Variants in ALK observed in about 807,000 individuals in gnomAD.
ALK encodes the protein ALK tyrosine kinase receptor.
In ALK, 74 loss-of-function variants were observed where a neutral mutation model predicts 163.1. The ratio of observed to expected loss-of-function variants is 0.45; its 90% CI spans 0.38 to 0.55. ALK has a LOEUF of 0.55. Ranked by LOEUF, ALK falls within the 20% of genes least tolerant of loss-of-function variation. The pLI, the probability that ALK is intolerant of heterozygous loss-of-function variation, is 0.00. For missense variants in ALK, 2,063 were observed against 2,105.3 expected (o/e 0.98, Z 0.39); for synonymous variants, 960 against 843.2 (o/e 1.14, Z -2.40).
intron 4 of ALK, among the ~76,000 whole-genome samples, chr2:29,515,593 A>G (rs1255746286): frequency 6.6e-6 from 1 of 152,222 alleles, no homozygotes. Flanking sequence ...GCATAATGGG[A>G]TCATGTGGTT....
At chr2:29,412,564 G>A (rs1280381884) in intron 4 of ALK, among the ~76,000 whole-genome samples, 1 of 152,066 alleles carries the variant, frequency 6.6e-6, no homozygotes, top group Non-Finnish European at 1.5e-5. Context: ...CAACCATATT[G>A]AAGATTTTCT....
chr2:29,866,250 C>G (rs1170812676), intron 1 of ALK, among the ~76,000 whole-genome samples: 1 of 152,190 alleles, frequency 6.6e-6, no homozygotes, highest in African/African-American at 2.4e-5. Context: ...GGTACTTCTT[C>G]TGCCACATCC....
At chr2:29,198,245 C>T (rs1470973217) in intron 26 of ALK, among the ~76,000 whole-genome samples, 1 of 152,198 alleles carries the variant, frequency 6.6e-6, no homozygotes, top group African/African-American at 2.4e-5. Flanking sequence ...TCAGTTTCAT[C>T]TATCAGATGC....
Position 29,544,175 on chromosome 2 carries a change from G to A in ALK, c.953-12059C>T, listed in dbSNP as rs549005138. 2.0e-4 allele frequency among the ~76,000 whole-genome samples: 30 copies of A among 152,298 alleles called. No individual in the cohort carries two copies. The South Asian group carries it at 5.2e-3, about 26-fold the overall frequency. Reference sequence around the variant, plus strand: ...GGAATCTGGACAGAAGGAGTGCAGTGTAATGCATGCAGGCCTCACCCAGAT... The same window carrying A: ...GGAATCTGGACAGAAGGAGTGCAGTATAATGCATGCAGGCCTCACCCAGAT... On this transcript the variant is annotated intron_variant, in intron 3 of 28. Coordinates refer to ENST00000389048, the MANE Select transcript of ALK (RefSeq NM_004304.5).
At chr2:29,667,269 T>C (rs1042786606) in intron 3 of ALK, among the ~76,000 whole-genome samples, 10 of 152,114 alleles carry the variant, frequency 6.6e-5, no homozygotes, top group African/African-American at 2.2e-4. Context: ...CTGTTCTCCA[T>C]AGTGGCTATA....
intron 4 of ALK, among the ~76,000 whole-genome samples, chr2:29,524,124 T>C (rs1316970839): frequency 6.6e-6 from 1 of 152,312 alleles, no homozygotes; most frequent in South Asian, 2.1e-4. Context: ...GCTTTAATTT[T>C]TAGACCCAGA....
chr2:29,356,218 A>T (rs1363917920), intron 5 of ALK, among the ~76,000 whole-genome samples: 1 of 152,218 alleles, frequency 6.6e-6, no homozygotes, highest in East Asian at 1.9e-4. Flanking sequence ...TATATGTGCC[A>T]GGTTGTATGC....
chr2:29,494,241 T>C (rs749517178), intron 4 of ALK, among the ~76,000 whole-genome samples: 1 of 152,166 alleles, frequency 6.6e-6, no homozygotes, highest in Non-Finnish European at 1.5e-5. Context: ...TTTGTGATAA[T>C]AATAGTATCA....
At chr2:29,667,395 T>C (rs983918560) in intron 3 of ALK, among the ~76,000 whole-genome samples, 6 of 152,104 alleles carry the variant, frequency 3.9e-5, no homozygotes, top group African/African-American at 1.4e-4. Context: ...CTTGTTCCAT[T>C]CCTTAGAGGA....
intron 3 of ALK, among the ~76,000 whole-genome samples, chr2:29,661,099 A>G (rs1558430353): frequency 6.6e-6 from 1 of 152,194 alleles, no homozygotes; most frequent in Non-Finnish European, 1.5e-5. Context: ...AGTGTTGTGC[A>G]TTCTTCTAGG....
chr2:29,478,012 G>A (rs1233724535), intron 4 of ALK, among the ~76,000 whole-genome samples: 1 of 152,192 alleles, frequency 6.6e-6, no homozygotes, highest in Non-Finnish European at 1.5e-5. Context: ...CAGTATTGAT[G>A]AGCTGTGCAA....
At chr2:29,513,227 T>C (rs1435136987) in intron 4 of ALK, among the ~76,000 whole-genome samples, 1 of 137,268 alleles carries the variant, frequency 7.3e-6, no homozygotes, top group Non-Finnish European at 1.6e-5. Context: ...GTTGGAGGCA[T>C]CACACTACCT....
chr2:29,230,760 G>A (rs1664176587), intron 15 of ALK, among the ~76,000 whole-genome samples: 1 of 152,216 alleles, frequency 6.6e-6, no homozygotes, highest in South Asian at 2.1e-4. Context: ...CTGCTCTCAG[G>A]GGAGGGTGTG....
chr2:29,226,207 G>A (rs114236448), intron 18 of ALK, among the ~76,000 whole-genome samples: 174 of 152,034 alleles, frequency 1.1e-3, no homozygotes, highest in African/African-American at 3.9e-3. Context: ...GGCCAGGTGC[G>A]GTGGCTCACA....
intron 3 of ALK, among the ~76,000 whole-genome samples, chr2:29,643,606 C>A (rs549141288): frequency 1.3e-5 from 2 of 152,164 alleles, no homozygotes; most frequent in African/African-American, 4.8e-5. Flanking sequence ...GAGCCAGGAG[C>A]GGGTGAACAG....
intron 3 of ALK, among the ~76,000 whole-genome samples, chr2:29,689,543 G>A (rs562076807): frequency 2.6e-5 from 4 of 152,280 alleles, no homozygotes; most frequent in South Asian, 2.1e-4. Flanking sequence ...CTCTGAACCT[G>A]TCTAATCAGA....
At chr2:29,581,265 A>G (rs972182299) in intron 3 of ALK, among the ~76,000 whole-genome samples, 7 of 152,158 alleles carry the variant, frequency 4.6e-5, no homozygotes, top group African/African-American at 1.7e-4. Context: ...ACACGCGCCT[A>G]TAGTCCCAGC....
At position 29,559,209 on chromosome 2, in the gene ALK, A is replaced by G. The variant is rs551788244; in HGVS notation, c.953-27093T>C. ...ACTGAGCTTTAACGGCCTTTCCAGGAATCTGTATATTGAAGGGAATCCATC... is the reference window on the plus strand; with the variant it reads ...ACTGAGCTTTAACGGCCTTTCCAGGGATCTGTATATTGAAGGGAATCCATC... On this transcript the variant is annotated intron_variant, in intron 3 of 28. Transcript: ENST00000389048. Among the ~76,000 whole-genome samples, 3 of 152,304 alleles carry G rather than the reference A, an allele frequency of 2.0e-5. No homozygotes were observed. The South Asian group carries it at 6.2e-4, about 32-fold the overall frequency.
At chr2:29,875,639 G>T (rs1666685547) in intron 1 of ALK, among the ~76,000 whole-genome samples, 1 of 152,090 alleles carries the variant, frequency 6.6e-6, no homozygotes, top group Non-Finnish European at 1.5e-5. Context: ...GTGTCCATGT[G>T]TTCTCGTTGT....
Sources: gnomAD v4.1 joint callset for allele counts (sites outside exome capture counted in the v4.1 genomes callset) on GRCh38, gnomAD v4.1.1 for gene constraint, MANE v1.5 for transcripts, NCBI Gene and HGNC (gene_info 2026-07-23, HGNC 2026-07-21) for gene names.